Variants in SCLT1 observed in about 807,000 individuals in gnomAD.
The protein encoded by SCLT1 is sodium channel-associated protein 1.
SCLT1 carries 78 observed loss-of-function variants against 112.8 expected under a neutral mutation model. The observed-to-expected ratio is 0.69, with a 90% confidence interval of 0.58 to 0.83. The LOEUF is 0.83. Among genes scored for constraint, SCLT1 ranks in the 40% least tolerant of loss-of-function variants. SCLT1 has a pLI of 0.00. For missense variants in SCLT1, 747 were observed against 770.4 expected (o/e 0.97, Z 0.36); for synonymous variants, 257 against 254.7 (o/e 1.01, Z -0.09).
chr4:128,941,154 C>A (rs1737660747), intron 17 of SCLT1, among the ~76,000 whole-genome samples: 1 of 152,058 alleles, frequency 6.6e-6, no homozygotes, highest in African/African-American at 2.4e-5. Context: ...CACTGGGTCC[C>A]TCCCATGACA....
chr4:128,924,708 G>A (rs1471634371), intron 18 of SCLT1, among the ~76,000 whole-genome samples: 1 of 151,980 alleles, frequency 6.6e-6, no homozygotes. Flanking sequence ...TTAGGTCTAT[G>A]ATTCATTTCA....
chr4:128,879,971 T>TTA (rs1037525390), downstream of SCLT1, among the ~76,000 whole-genome samples: 18 of 152,316 alleles, frequency 1.2e-4, no homozygotes, highest in African/African-American at 4.3e-4. Flanking sequence ...CCATAATGCC[T>TTA]TATCAAAGGA....
chr4:129,051,308 A>G (rs1373617580), intron 2 of SCLT1, among the ~76,000 whole-genome samples: 1 of 152,136 alleles, frequency 6.6e-6, no homozygotes, highest in Non-Finnish European at 1.5e-5. Flanking sequence ...TCTATAAATT[A>G]CTTTGCACAG....
chr4:128,885,852 T>C lies in SCLT1; in HGVS notation c.2005-1313A>G, dbSNP rs558855113. ...AAAATGATGTGATTACAGTTTAAAT[T>C]TGTATTTGTCTTATAGGTGAGGATG... On this transcript the variant is annotated intron_variant, in intron 20 of 20. Coordinates refer to ENST00000281142, the MANE Select transcript of SCLT1 (RefSeq NM_144643.4). Among the ~76,000 whole-genome samples, 3 of 152,318 alleles carry C rather than the reference T, an allele frequency of 2.0e-5. No individual in the cohort carries two copies. In the South Asian group the frequency reaches 6.2e-4, roughly 32 times the overall value.
At chr4:128,911,978 G>T (rs920608173) in intron 18 of SCLT1, among the ~76,000 whole-genome samples, 5 of 152,194 alleles carry the variant, frequency 3.3e-5, no homozygotes, top group South Asian at 2.1e-4. Context: ...CAGGGGGAAA[G>T]CTTTGATGCT....
At position 128,943,161 on chromosome 4, in the gene SCLT1, T is replaced by C. The variant is rs969767990; in HGVS notation, c.1467A>G (p.Gln489=). 1.2e-6 allele frequency: 2 copies of C among 1,608,866 alleles called. No homozygotes were observed. Among genetic ancestry groups the C allele is most frequent in the Admixed American group, 1.7e-5 (1 of 58,982 alleles). Residue 489 remains glutamine (Q), a synonymous_variant, in exon 17 of 21, where the codon CAA becomes CAG. Coordinates refer to ENST00000281142, the MANE Select transcript of SCLT1 (RefSeq NM_144643.4). ...CATTTTGAAGTTTCTGAATCATTTC[T>C]TGGTAACGTGATATTTCTTCTGAGG... ...TDSSEEISRY[Q]EMIQKLQNVL...
intron 9 of SCLT1, among the ~76,000 whole-genome samples, chr4:128,982,634 T>A (rs899467614): frequency 6.6e-6 from 1 of 151,970 alleles, no homozygotes; most frequent in Non-Finnish European, 1.5e-5. Context: ...CCTGAGTAGC[T>A]GGGATTACAG....
intron 2 of SCLT1, among the ~76,000 whole-genome samples, chr4:129,065,926 G>A (rs1210409170): frequency 6.6e-6 from 1 of 151,970 alleles, no homozygotes; most frequent in African/African-American, 2.4e-5. Context: ...ACCAGACACT[G>A]AACAAGCTAT....
At chr4:129,089,264 C>T (rs1315926950) in intron 1 of SCLT1, among the ~76,000 whole-genome samples, 1 of 152,202 alleles carries the variant, frequency 6.6e-6, no homozygotes, top group Non-Finnish European at 1.5e-5. Flanking sequence ...AAATGCTCAT[C>T]ATCACTGGTT....
At chr4:129,058,561 T>C (rs1184408721) in intron 2 of SCLT1, among the ~76,000 whole-genome samples, 1 of 152,232 alleles carries the variant, frequency 6.6e-6, no homozygotes, top group Non-Finnish European at 1.5e-5. Flanking sequence ...TTTATTCCAC[T>C]GTGGTCACAA....
chr4:129,034,996 G>GT (rs1560994911), intron 5 of SCLT1, among the ~76,000 whole-genome samples: 1 of 152,086 alleles, frequency 6.6e-6, no homozygotes, highest in Admixed American at 6.5e-5. Context: ...AGTGAGAATA[G>GT]TCATTTCTGT....
intron 17 of SCLT1, among the ~76,000 whole-genome samples, chr4:128,938,819 T>C (rs550096225): frequency 1.3e-5 from 2 of 152,038 alleles, no homozygotes; most frequent in Non-Finnish European, 2.9e-5. Flanking sequence ...CCATCTCTAC[T>C]AAAAACACAA....
At chr4:129,033,502 T>TTAAAA (rs1746921625) in intron 5 of SCLT1, among the ~76,000 whole-genome samples, 1 of 44,300 alleles carries the variant, frequency 2.3e-5, no homozygotes, top group Non-Finnish European at 4.2e-5. Context: ...GAACTTAAAG[T>TTAAAA]AAAAAAAAAA....
chr4:128,970,437 C>T lies in SCLT1; in HGVS notation c.718G>A (p.Ala240Thr), dbSNP rs749019155. The change falls in exon 10 of 21, where the codon GCA becomes ACA. Residue 240 changes from alanine (A) to threonine (T), a missense_variant. Ala to Thr is a moderately conservative substitution (Grantham distance 58). This residue lies in a region of SCLT1 where 723 missense variants were observed against 721.3 expected (regional missense o/e 1.00). Coordinates refer to ENST00000281142, the MANE Select transcript of SCLT1 (RefSeq NM_144643.4). ...QAKLELRVAV[A>T]KVEELTNVTE... ...ACATTAGTTAACTCTTCCACTTTTG[C>T]TACAGCAACTCTCAGCTCTAATTTG... The T allele has an allele frequency of 1.2e-6, 2 of 1,607,224 alleles. No individual in the cohort carries two copies. Among genetic ancestry groups the T allele is most frequent in the South Asian group, 2.2e-5 (2 of 90,908 alleles).
intron 9 of SCLT1, among the ~76,000 whole-genome samples, chr4:128,976,785 C>T (rs908336281): frequency 2.0e-5 from 3 of 152,018 alleles, no homozygotes; most frequent in African/African-American, 7.3e-5. Flanking sequence ...ATATATCTCA[C>T]AAGAAGAGAC....
intron 18 of SCLT1, among the ~76,000 whole-genome samples, chr4:128,892,766 T>C (rs1372969262): frequency 1.3e-5 from 2 of 152,236 alleles, no homozygotes; most frequent in Non-Finnish European, 2.9e-5. Flanking sequence ...GGAGATCAGT[T>C]ATTCTAACTT....
chr4:129,022,221 C>T (rs1177755503), intron 5 of SCLT1, among the ~76,000 whole-genome samples: 1 of 152,076 alleles, frequency 6.6e-6, no homozygotes, highest in Middle Eastern at 3.2e-3. Context: ...ATTCCAAAAA[C>T]CAGAATGCCT....
intron 18 of SCLT1, among the ~76,000 whole-genome samples, chr4:128,901,415 G>T (rs7375619): frequency 0.73 from 109,826 of 151,114 alleles, 40,174 homozygotes; most frequent in African/African-American, 0.82. Context: ...GCAAACTATC[G>T]CAAGGACAAA....
chr4:128,935,074 T>C (rs757867373), intron 18 of SCLT1, among the ~76,000 whole-genome samples: 7 of 152,034 alleles, frequency 4.6e-5, no homozygotes, highest in Admixed American at 2.0e-4. Flanking sequence ...AAAGACCTTA[T>C]GATTTTTCTC....
Sources: gnomAD v4.1 joint callset for allele counts (sites outside exome capture counted in the v4.1 genomes callset) on GRCh38, gnomAD v4.1.1 for gene constraint, gnomAD v4.1.1 regional missense constraint, MANE v1.5 for transcripts, NCBI Gene and HGNC (gene_info 2026-07-23, HGNC 2026-07-21) for gene names.